TRMT11: variants seen among roughly 807,000 people sequenced by gnomAD.
TRMT11 encodes tRNA methyltransferase 11.
TRMT11 carries 53 observed loss-of-function variants against 62.8 expected under a neutral mutation model. The observed-to-expected ratio is 0.84, with a 90% CI of 0.68 to 1.06. The LOEUF (loss-of-function observed/expected upper bound fraction) is 1.06, where lower values mean the gene tolerates loss of function less well. Among genes scored for constraint, TRMT11 ranks in the 50% least tolerant of loss-of-function variants. The pLI, the probability that TRMT11 is intolerant of heterozygous loss-of-function variation, is 0.00. For synonymous variants in TRMT11, 188 were observed against 190.3 expected, an observed-to-expected ratio of 0.99 and a Z score of 0.10; for missense variants, 556 against 553.4, an observed-to-expected ratio of 1.00 and a Z score of -0.05.
the TRMT11 span, among the ~76,000 whole-genome samples, chr6:126,262,362 T>C: frequency 6.6e-6 from 1 of 152,222 alleles, no homozygotes; most frequent in Non-Finnish European, 1.5e-5. Flanking sequence ...CAGGTATACC[T>C]GTTCCCTTAG....
intron 21 of TRMT11, among the ~76,000 whole-genome samples, chr6:126,130,966 C>A (rs566802769): frequency 6.6e-6 from 1 of 152,066 alleles, no homozygotes; most frequent in Non-Finnish European, 1.5e-5. Flanking sequence ...TATCTATTAG[C>A]CTTCAGGAGA....
chr6:126,029,968 G>A (rs1201037059), intron 12 of TRMT11, among the ~76,000 whole-genome samples: 1 of 152,044 alleles, frequency 6.6e-6, no homozygotes, highest in Non-Finnish European at 1.5e-5. Context: ...GAGCACTCTA[G>A]ATATGAAGAT....
Position 125,999,590 on chromosome 6 carries a change from T to C in TRMT11, c.656T>C (p.Val219Ala). ...GGAAAAGTGAAAGAAAATGATATTGTCTTTGATCCATTTGTTGGAACAGGT... is the reference window on the plus strand; with the variant it reads ...GGAAAAGTGAAAGAAAATGATATTGCCTTTGATCCATTTGTTGGAACAGGT... ...NHGKVKENDI[V>A]FDPFVGTGGL... Residue 219 changes from valine (V) to alanine (A), a missense_variant, in exon 7 of 13, where the codon GTC becomes GCC. Transcript: ENST00000334379. The C allele has an allele frequency of 6.2e-7, 1 of 1,611,138 alleles. No homozygotes were observed. Among genetic ancestry groups the C allele is most frequent in the Non-Finnish European group, 8.5e-7 (1 of 1,178,472 alleles).
chr6:126,130,413 C>A (rs1464021682), intron 21 of TRMT11, among the ~76,000 whole-genome samples: 3 of 151,878 alleles, frequency 2.0e-5, no homozygotes, highest in Non-Finnish European at 4.4e-5. Context: ...TGATTTAATC[C>A]AAAGTTTAAC....
chr6:126,107,278 A>G (rs1451584592), intron 17 of TRMT11, among the ~76,000 whole-genome samples: 1 of 152,216 alleles, frequency 6.6e-6, no homozygotes, highest in Admixed American at 6.5e-5. Flanking sequence ...GCCTATGTGC[A>G]ATTATAATAC....
At chr6:126,147,564 T>C (rs1052479695) in intron 21 of TRMT11, among the ~76,000 whole-genome samples, 3 of 152,154 alleles carry the variant, frequency 2.0e-5, no homozygotes, top group African/African-American at 4.8e-5. Context: ...TTCGTCCATG[T>C]ATTAAGGAAT....
intron 12 of TRMT11, among the ~76,000 whole-genome samples, chr6:126,035,345 C>G (rs927337132): frequency 3.3e-5 from 5 of 152,060 alleles, no homozygotes; most frequent in African/African-American, 1.2e-4. Context: ...AATAGACTGG[C>G]GCCTGCCAGA....
intron 7 of TRMT11, 89 bp downstream of exon 7, chr6:125,999,702 A>G: frequency 8.4e-7 from 1 of 1,186,456 alleles, no homozygotes. Context: ...AAAAGAGTAA[A>G]TGGATAATCT....
intron 17 of TRMT11, among the ~76,000 whole-genome samples, chr6:126,061,955 T>C (rs1776547274): frequency 6.6e-6 from 1 of 152,216 alleles, no homozygotes; most frequent in Non-Finnish European, 1.5e-5. Context: ...CCATCACAGC[T>C]CACTGCAACC....
chr6:126,150,044 T>C (rs1778020865), intron 21 of TRMT11, among the ~76,000 whole-genome samples: 1 of 152,202 alleles, frequency 6.6e-6, no homozygotes. Context: ...GTTGCGGTAT[T>C]GAGAGGTGAG....
intron 21 of TRMT11, among the ~76,000 whole-genome samples, chr6:126,164,422 T>C (rs1778234470): frequency 1.3e-5 from 2 of 152,170 alleles, no homozygotes; most frequent in South Asian, 2.1e-4. Context: ...GAATAAGTGC[T>C]ATGTGGTGCT....
intron 3 of TRMT11, 102 bp downstream of exon 3, chr6:125,996,142 CT>C (rs1267573386): frequency 5.5e-6 from 4 of 726,156 alleles, no homozygotes; most frequent in Non-Finnish European, 9.0e-6. Context: ...CTCAGTTTAG[CT>C]TGCAGTTACA....
the TRMT11 span, among the ~76,000 whole-genome samples, chr6:126,253,291 G>C: frequency 6.6e-6 from 1 of 152,144 alleles, no homozygotes; most frequent in African/African-American, 2.4e-5. Flanking sequence ...AACACTCATG[G>C]AACTGTCATC....
At chr6:126,231,752 G>C in the TRMT11 span, among the ~76,000 whole-genome samples, 1 of 152,154 alleles carries the variant, frequency 6.6e-6, no homozygotes, top group Non-Finnish European at 1.5e-5. Flanking sequence ...TGAACGAGGG[G>C]GAATGTCTAC....
chr6:126,058,885 A>T (rs1776445899), intron 17 of TRMT11, among the ~76,000 whole-genome samples: 1 of 152,096 alleles, frequency 6.6e-6, no homozygotes, highest in African/African-American at 2.4e-5. Context: ...GATAGGGCCC[A>T]CGGAGATGAC....
chr6:126,011,744 G>C (rs993192093), intron 9 of TRMT11, among the ~76,000 whole-genome samples: 2 of 151,836 alleles, frequency 1.3e-5, no homozygotes, highest in Admixed American at 1.3e-4. Flanking sequence ...GACTATAATT[G>C]GTTATTATAC....
At chr6:125,997,807 C>T (rs1359635653) in intron 3 of TRMT11, among the ~76,000 whole-genome samples, 1 of 152,190 alleles carries the variant, frequency 6.6e-6, no homozygotes, top group Non-Finnish European at 1.5e-5. Context: ...CTGTGCCTGG[C>T]CAGCTAATTG....
At chr6:126,005,202 A>G (rs544787423) in intron 7 of TRMT11, among the ~76,000 whole-genome samples, 10 of 152,208 alleles carry the variant, frequency 6.6e-5, no homozygotes, top group African/African-American at 2.2e-4. Context: ...CAGAGTGTGT[A>G]GCTTTACTTA....
At chr6:126,208,512 C>T (rs1019513703), downstream of TRMT11, among the ~76,000 whole-genome samples, 1 of 152,012 alleles carries the variant, frequency 6.6e-6, no homozygotes, top group African/African-American at 2.4e-5. Flanking sequence ...AAAACCAAAA[C>T]ATATATAATG....
Sources: allele counts gnomAD v4.1 joint callset (sites outside exome capture counted in the v4.1 genomes callset), GRCh38; gene constraint gnomAD v4.1.1; transcripts MANE v1.5; gene names NCBI Gene and HGNC (gene_info 2026-07-23, HGNC 2026-07-21).